The following DIS3L2 variants were observed in gnomAD, a reference collection of about 807,000 sequenced individuals.
DIS3L2 encodes DIS3-like exonuclease 2.
In DIS3L2, 34 loss-of-function variants were observed where a neutral mutation model predicts 97.5. The observed-to-expected ratio is 0.35, with a 90% CI of 0.27 to 0.46. DIS3L2 has a LOEUF of 0.46. Among genes scored for constraint, DIS3L2 ranks in the 20% least tolerant of loss-of-function variants. DIS3L2 has a pLI of 1.00. For synonymous variants in DIS3L2, 435 were observed against 445.2 expected, an observed-to-expected ratio of 0.98 and a Z score of 0.29; for missense variants, 1,038 against 1,146.0, an observed-to-expected ratio of 0.91 and a Z score of 1.36.
At chr2:232,072,338 G>C (rs1287065479) in intron 5 of DIS3L2, among the ~76,000 whole-genome samples, 1 of 152,162 alleles carries the variant, frequency 6.6e-6, no homozygotes, top group Admixed American at 6.5e-5. Flanking sequence ...GATGAAAGAA[G>C]ACCTCATTGA....
intron 5 of DIS3L2, among the ~76,000 whole-genome samples, chr2:232,086,661 G>GTGTATATATATATA (rs1331761284): frequency 1.0e-4 from 3 of 29,466 alleles, no homozygotes; most frequent in Non-Finnish European, 1.5e-4. Context: ...ATATATATAT[G>GTGTATATATATATA]TGTGTGTGTG....
At position 232,102,922 on chromosome 2, in the gene DIS3L2, A is replaced by G. The variant is rs750814532; in HGVS notation, c.601+15201A>G. The stretch of plus-strand genomic sequence containing the variant: ...CTTTTATTCGGCCAGTCACAATTTT[A>G]TTTCCCATTAAAAATGCCAGTGTGT... On this transcript the variant is annotated intron_variant, in intron 6 of 20. Transcript: ENST00000325385. 5.8e-4 allele frequency among the ~76,000 whole-genome samples: 88 copies of G among 152,118 alleles called. 3 individuals carry two copies. Among genetic ancestry groups the G allele is most frequent in the Admixed American group, 4.2e-3 (64 of 15,286 alleles).
chr2:232,115,632 C>T (rs867500225), intron 6 of DIS3L2, among the ~76,000 whole-genome samples: 1 of 152,054 alleles, frequency 6.6e-6, no homozygotes, highest in Non-Finnish European at 1.5e-5. Flanking sequence ...ATCATGGGGG[C>T]GGTTTCCCCC....
At chr2:232,270,448 CTA>C (rs1288738665) in intron 13 of DIS3L2, among the ~76,000 whole-genome samples, 2 of 152,004 alleles carry the variant, frequency 1.3e-5, no homozygotes, top group East Asian at 1.9e-4. Context: ...TGAGTTTTTC[CTA>C]TGTCATTAAA....
chr2:232,198,246 A>C (rs1469066663), intron 9 of DIS3L2, among the ~76,000 whole-genome samples: 1 of 152,170 alleles, frequency 6.6e-6, no homozygotes, highest in Non-Finnish European at 1.5e-5. Context: ...ATAGAGAAAA[A>C]AAAGTGTTTT....
chr2:232,082,025 G>A (rs941887697), intron 5 of DIS3L2, among the ~76,000 whole-genome samples: 3 of 152,164 alleles, frequency 2.0e-5, no homozygotes, highest in Non-Finnish European at 4.4e-5. Flanking sequence ...CCTGACCTCA[G>A]ATGATCCGCC....
chr2:231,966,907 T>A (rs1291409817), intron 1 of DIS3L2, among the ~76,000 whole-genome samples: 4 of 152,064 alleles, frequency 2.6e-5, no homozygotes, highest in Non-Finnish European at 4.4e-5. Context: ...GTATAGAAGG[T>A]ATTTTATTTG....
chr2:232,010,823 T>C (rs1442313158), intron 1 of DIS3L2, among the ~76,000 whole-genome samples: 2 of 152,264 alleles, frequency 1.3e-5, no homozygotes, highest in African/African-American at 4.8e-5. Flanking sequence ...AGTGCCTGGC[T>C]TGCCCCATTG....
At chr2:232,042,818 G>C (rs1695145120) in intron 5 of DIS3L2, among the ~76,000 whole-genome samples, 1 of 152,168 alleles carries the variant, frequency 6.6e-6, no homozygotes, top group Non-Finnish European at 1.5e-5. Flanking sequence ...ACCCCATGGA[G>C]ATGTTTTGGT....
chr2:232,116,184 GAATAAATAAATA>G (rs74584053), intron 6 of DIS3L2, among the ~76,000 whole-genome samples: 32 of 35,616 alleles, frequency 9.0e-4, no homozygotes, highest in African/African-American at 2.5e-3. Context: ...ATAAATAAAT[GAATAAATAAATA>G]AATAAATAAA....
chr2:232,299,795 A>T (rs1165893826), intron 13 of DIS3L2, among the ~76,000 whole-genome samples: 1 of 152,212 alleles, frequency 6.6e-6, no homozygotes, highest in African/African-American at 2.4e-5. Flanking sequence ...CTAGCACAAG[A>T]TAGGTGCTTA....
chr2:232,091,983 T>G (rs949067815), intron 6 of DIS3L2, among the ~76,000 whole-genome samples: 8 of 152,228 alleles, frequency 5.3e-5, no homozygotes, highest in Non-Finnish European at 1.2e-4. Context: ...TCCAATGTCC[T>G]GGAGAGTTTC....
intron 5 of DIS3L2, among the ~76,000 whole-genome samples, chr2:232,038,117 G>A (rs894146242): frequency 6.6e-6 from 1 of 152,148 alleles, no homozygotes; most frequent in Admixed American, 6.5e-5. Context: ...TGAAAGCATA[G>A]CTAAAGGCTG....
At chr2:232,210,491 C>T in intron 10 of DIS3L2, 86 bp downstream of exon 10, 2 of 1,266,482 alleles carry the variant, frequency 1.6e-6, no homozygotes, top group Non-Finnish European at 2.3e-6. Context: ...GCTGCCTAGG[C>T]AGCATACTGT....
chr2:232,231,186 G>A (rs1235737152), intron 10 of DIS3L2, among the ~76,000 whole-genome samples: 1 of 152,216 alleles, frequency 6.6e-6, no homozygotes, highest in East Asian at 1.9e-4. Context: ...GACCTTGTCA[G>A]TTTTCTTGTA....
intron 14 of DIS3L2, among the ~76,000 whole-genome samples, chr2:232,318,976 G>A (rs543214871): frequency 2.0e-5 from 3 of 152,332 alleles, no homozygotes; most frequent in African/African-American, 7.2e-5. Flanking sequence ...TTCCCTTCAT[G>A]TTCCTTGAGT....
At chr2:232,303,147 G>T (rs1489558497) in intron 14 of DIS3L2, among the ~76,000 whole-genome samples, 1 of 152,122 alleles carries the variant, frequency 6.6e-6, no homozygotes, top group Non-Finnish European at 1.5e-5. Flanking sequence ...GAAGAGGCTG[G>T]TGTGCCTGCC....
chr2:232,063,373 CTG>C (rs1183030436), intron 5 of DIS3L2, among the ~76,000 whole-genome samples: 2 of 152,122 alleles, frequency 1.3e-5, no homozygotes, highest in African/African-American at 2.4e-5. Context: ...AAAAAAGAAA[CTG>C]TGTATGTGTG....
At chr2:232,297,446 G>C (rs920079944) in intron 13 of DIS3L2, among the ~76,000 whole-genome samples, 4 of 152,152 alleles carry the variant, frequency 2.6e-5, no homozygotes, top group African/African-American at 9.7e-5. Context: ...TGGGTCTAGT[G>C]GCTAGTAGGA....
Sources: allele counts gnomAD v4.1 joint callset (sites outside exome capture counted in the v4.1 genomes callset), GRCh38; gene constraint gnomAD v4.1.1; transcripts MANE v1.5; gene names NCBI Gene and HGNC (gene_info 2026-07-23, HGNC 2026-07-21).